The following CHLSN variants were observed in gnomAD, a reference collection of about 807,000 sequenced individuals.
CHLSN encodes protein cholesin.
At chr7:984,356 C>G in the CHLSN span, 6 of 1,467,418 alleles carry the variant, frequency 4.1e-6, no homozygotes, top group East Asian at 1.5e-4. Context: ...CTGAGGGGAC[C>G]TAAGGGGGGT....
chr7:1,040,857 C>T, the CHLSN span, among the ~76,000 whole-genome samples: 2 of 152,214 alleles, frequency 1.3e-5, no homozygotes, highest in Admixed American at 6.5e-5. Context: ...ACATAAACAA[C>T]GAGAAGGCGC....
At chr7:1,023,675 A>ACACC in the CHLSN span, among the ~76,000 whole-genome samples, 22 of 98,558 alleles carry the variant, frequency 2.2e-4, 1 homozygote, top group African/African-American at 7.4e-4. The surrounding 1 kb of genome is among the most constrained non-coding windows in gnomAD (Gnocchi z 5.0). Flanking sequence ...ACACACACAC[A>ACACC]CACCAGCAAC....
chr7:1,027,682 G>A, the CHLSN span, among the ~76,000 whole-genome samples: 1 of 152,280 alleles, frequency 6.6e-6, no homozygotes, highest in Non-Finnish European at 1.5e-5. Flanking sequence ...AGCACCCACC[G>A]CGCCAGTGGG....
the CHLSN span, among the ~76,000 whole-genome samples, chr7:1,117,613 C>T: frequency 2.3e-4 from 31 of 135,574 alleles, 1 homozygote; most frequent in Middle Eastern, 4.2e-3. Context: ...ATCACCGACG[C>T]TCACGCAGGA....
At chr7:978,303 A>T in the CHLSN span, among the ~76,000 whole-genome samples, 1 of 152,302 alleles carries the variant, frequency 6.6e-6, no homozygotes, top group South Asian at 2.1e-4. Context: ...GGACCACTTG[A>T]GCCCAGGAGT....
the CHLSN span, among the ~76,000 whole-genome samples, chr7:1,028,016 G>GT: frequency 7.4e-4 from 19 of 25,646 alleles, no homozygotes; most frequent in African/African-American, 3.4e-3. Flanking sequence ...CCCCAGGAGA[G>GT]TAAGTGGGAG....
At chr7:1,100,777 A>AG in the CHLSN span, among the ~76,000 whole-genome samples, 1 of 152,122 alleles carries the variant, frequency 6.6e-6, no homozygotes, top group East Asian at 1.9e-4. Flanking sequence ...GGTTAAAAAA[A>AG]AAAACAAAAC....
chr7:1,043,865 T>C, the CHLSN span: 2 of 152,268 alleles, frequency 1.3e-5, no homozygotes, highest in East Asian at 3.8e-4. Context: ...TATGCGGAAC[T>C]GTGCAACCCA....
the CHLSN span, chr7:1,058,460 C>G: frequency 6.4e-6 from 5 of 780,492 alleles, no homozygotes; most frequent in Non-Finnish European, 1.2e-5. Flanking sequence ...AAAAGCTGCC[C>G]TGCGGGGACC....
chr7:1,127,698 CACAATCTCG>C, the CHLSN span, among the ~76,000 whole-genome samples: 3 of 50,824 alleles, frequency 5.9e-5, no homozygotes, highest in African/African-American at 1.7e-4. Flanking sequence ...AGTGCAGTGG[CACAATCTCG>C]GCTGATCCCA....
chr7:1,089,753 C>A, the CHLSN span, among the ~76,000 whole-genome samples: 4,990 of 138,056 alleles, frequency 0.036, 297 homozygotes, highest in African/African-American at 0.13. Context: ...AGCAATAGGT[C>A]AACAAATCTC....
At chr7:1,042,008 A>G in the CHLSN span, among the ~76,000 whole-genome samples, 2 of 152,180 alleles carry the variant, frequency 1.3e-5, no homozygotes, top group African/African-American at 2.4e-5. Flanking sequence ...ACGCGGCTGC[A>G]TCACAGCAGC....
chr7:1,010,805 G>A, the CHLSN span, among the ~76,000 whole-genome samples: 1 of 152,154 alleles, frequency 6.6e-6, no homozygotes, highest in Non-Finnish European at 1.5e-5. Context: ...GGGGCAGCCG[G>A]GCCACGGGGT....
At chr7:1,009,469 C>T in the CHLSN span, among the ~76,000 whole-genome samples, 1 of 151,924 alleles carries the variant, frequency 6.6e-6, no homozygotes, top group Non-Finnish European at 1.5e-5. Flanking sequence ...GCCGCAGGCA[C>T]CATCCACCCA....
At chr7:1,055,434 G>A in the CHLSN span, 19 of 466,674 alleles carry the variant, frequency 4.1e-5, no homozygotes, top group Admixed American at 9.4e-5. Context: ...GCTGCTCACC[G>A]ACAGTGGCCA....
the CHLSN span, among the ~76,000 whole-genome samples, chr7:1,073,158 G>C: frequency 2.0e-5 from 3 of 152,176 alleles, no homozygotes; most frequent in Non-Finnish European, 4.4e-5. Context: ...GGCAGCAGGA[G>C]AGGAAGGCGC....
chr7:1,114,526 T>C, the CHLSN span, among the ~76,000 whole-genome samples: 2 of 152,222 alleles, frequency 1.3e-5, no homozygotes, highest in South Asian at 2.1e-4. Context: ...TCAGCTTTGG[T>C]TGGACACGGC....
the CHLSN span, among the ~76,000 whole-genome samples, chr7:1,125,084 C>A: frequency 1.3e-5 from 2 of 152,254 alleles, no homozygotes; most frequent in Non-Finnish European, 2.9e-5. Flanking sequence ...GCCTGCTGAG[C>A]CGCCTGCAGC....
chr7:1,028,255 G>T, the CHLSN span: 1 of 1,092,634 alleles, frequency 9.2e-7, no homozygotes, highest in Non-Finnish European at 1.1e-6. Flanking sequence ...CCCGCGCACT[G>T]ACCTCTGACC....
Sources: gnomAD v4.1 joint callset for allele counts (sites outside exome capture counted in the v4.1 genomes callset) on GRCh38, gnomAD v4.1.1 for gene constraint, Gnocchi (gnomAD v3.1) non-coding constraint, MANE v1.5 for transcripts, NCBI Gene and HGNC (gene_info 2026-07-23, HGNC 2026-07-21) for gene names.